Variants in DENND6A observed in about 807,000 individuals in gnomAD.
DENND6A encodes the protein protein DENND6A.
DENND6A carries 43 observed loss-of-function variants against 95.5 expected under a neutral mutation model. That is an observed-to-expected ratio of 0.45 (90% CI 0.35 to 0.58). The LOEUF is 0.58. Among genes scored for constraint, DENND6A ranks in the 20% least tolerant of loss-of-function variants. The pLI is 0.00. For missense variants in DENND6A, 574 were observed against 736.0 expected (o/e 0.78, Z 2.55); for synonymous variants, 257 against 260.4 (o/e 0.99, Z 0.13).
rs1433632436 is a variant in DENND6A, at chr3:57,634,604, T to C, written c.1217A>G (p.Lys406Arg). 3 of 1,474,576 alleles carry C rather than the reference T, an allele frequency of 2.0e-6. No individual in the cohort carries two copies. The highest frequency in any genetic ancestry group is 2.7e-6 in the Non-Finnish European group (3 of 1,098,602). 91.3% of individuals were successfully genotyped at this position (1,474,576 alleles called of 1,614,324 possible). A position where few individuals can be genotyped will look rare whatever the true frequency, so the allele number is the denominator to read the frequency against. ...CTCTTCATCTCTATTTAAATATGGC[T>C]TATATGAAGTATAAACTCCTAAGAG... ...DSKPGVYTSY[K>R]PYLNRDEEII... is the part of the protein sequence containing the mutation. Residue 406 changes from lysine (K) to arginine (R), a missense_variant, in exon 14 of 20, where the codon AAG (lysine) becomes AGG (arginine). Physicochemically the swap from Lys to Arg is conservative, Grantham distance 26. Transcript: ENST00000311128.
At position 57,657,683 on chromosome 3, in the gene DENND6A, A is replaced by C. The variant is rs2071353773; in HGVS notation, c.815T>G (p.Phe272Cys). 1.3e-6 allele frequency: 2 copies of C among 1,569,768 alleles called. No individual in the cohort carries two copies. Among genetic ancestry groups the C allele is most frequent in the Non-Finnish European group, 1.7e-6 (2 of 1,148,064 alleles). ...AATAAAATTTTTTATTCTTTACCTG[A>C]AAATATCCACCTCATGAACAGTAGG... ...ILPTVHEVDI[F>C]RCFCPVFLHS... The change falls in exon 9 of 20, where the codon TTC (phenylalanine) becomes TGC (cysteine). Residue 272 changes from phenylalanine to cysteine, a missense_variant. Around this residue, in one of 2 missense-constraint regions of DENND6A, gnomAD observed 452 missense variants for 630.9 expected, o/e 0.72. Transcript: ENST00000311128.
At chr3:57,662,185 C>CTTTTTTTTTTTTTTTTTTTTT (rs60063768) in intron 5 of DENND6A, among the ~76,000 whole-genome samples, 1 of 79,134 alleles carries the variant, frequency 1.3e-5, no homozygotes, top group Admixed American at 2.0e-4. Context: ...TTTCTTTTTT[C>CTTTTTTTTTTTTTTTTTTTTT]TTTTTTTTTT....
intron 1 of DENND6A, among the ~76,000 whole-genome samples, chr3:57,688,327 T>C (rs1447502675): frequency 6.6e-6 from 1 of 152,022 alleles, no homozygotes; most frequent in East Asian, 1.9e-4. Context: ...ACAAACTGTT[T>C]ATGAGAATAT....
In DENND6A at chr3:57,625,569, C is replaced by T. The variant is rs2070511111; in HGVS notation, c.*2645G>A. 1.3e-5 allele frequency: 2 copies of T among 152,486 alleles called. No individual in the cohort carries two copies. The highest frequency in any genetic ancestry group is 2.1e-4 in the South Asian group (1 of 4,818). The allele number at this position is 152,486 out of a possible 1,614,324, so 9.4% of individuals were successfully genotyped here. Reference sequence around the variant, plus strand: ...TAGGCATTACATAATACCCTTAAAGCAGTGATTCCTCCTGATGCTGGTAGA... The same window carrying T: ...TAGGCATTACATAATACCCTTAAAGTAGTGATTCCTCCTGATGCTGGTAGA... On this transcript the variant is annotated 3_prime_UTR_variant, in exon 20 of 20. Transcript: ENST00000311128.
rs992999072 is a variant in DENND6A at position 57,693,060 on chromosome 3, G to A, written c.-42C>T. On this transcript the variant is annotated 5_prime_UTR_variant, in exon 1 of 20. Transcript: ENST00000311128. Reference sequence around the variant, plus strand: ...GTTCGCGCCGCCTCCACAGCGGACCGCGCCGCAGAGCGCGCTTGCCTCCGC... The same window carrying A: ...GTTCGCGCCGCCTCCACAGCGGACCACGCCGCAGAGCGCGCTTGCCTCCGC... 3 of 1,339,790 alleles carry A rather than the reference G, an allele frequency of 2.2e-6. No individual in the cohort carries two copies. The highest frequency in any genetic ancestry group is 3.1e-5 in the African/African-American group (2 of 64,746). The allele number at this position is 1,339,790 out of a possible 1,614,324, so 83.0% of individuals were successfully genotyped here.
Position 57,666,108 on chromosome 3 carries a change from G to C in DENND6A, c.432+15C>G, listed in dbSNP as rs1452231496. ...TCCTCTCACATGGACATTTTCCTAT[G>C]ACTACTTTTCCAACCTTTAAGTAAA... On this transcript the variant is annotated intron_variant, in intron 4 of 19. Transcript: ENST00000311128. 6.2e-7 allele frequency: 1 copy of C among 1,601,160 alleles called. No individual in the cohort carries two copies. The highest frequency in any genetic ancestry group is 1.1e-5 in the South Asian group (1 of 90,090).
chr3:57,636,082 GTT>G (rs1447905411), intron 12 of DENND6A, among the ~76,000 whole-genome samples: 17 of 152,256 alleles, frequency 1.1e-4, no homozygotes, highest in African/African-American at 3.6e-4. Context: ...TTAATTGACT[GTT>G]TATGTTATTG....
chr3:57,669,370 C>T (rs1205085490), intron 3 of DENND6A, among the ~76,000 whole-genome samples: 1 of 152,014 alleles, frequency 6.6e-6, no homozygotes, highest in Non-Finnish European at 1.5e-5. Context: ...GTCACAAGAA[C>T]CACACTTCAT....
In DENND6A at chr3:57,627,115, A is replaced by G. The variant is rs1042100393; in HGVS notation, c.*1099T>C. The G allele has an allele frequency of 6.6e-6, 1 of 152,164 alleles. No individual in the cohort carries two copies. Among genetic ancestry groups the G allele is most frequent in the Non-Finnish European group, 1.5e-5 (1 of 68,026 alleles). The allele number at this position is 152,164 out of a possible 1,614,324, so 9.4% of individuals were successfully genotyped here. Reference sequence around the variant, plus strand: ...AGCAGCCAAGTTCATTAGTTTAAACATTTAATAATATTTAAATTAGTATTT... The same window carrying G: ...AGCAGCCAAGTTCATTAGTTTAAACGTTTAATAATATTTAAATTAGTATTT... On this transcript the variant is annotated 3_prime_UTR_variant, in exon 20 of 20. Coordinates refer to ENST00000311128, the MANE Select transcript of DENND6A (RefSeq NM_152678.3).
At chr3:57,655,288 C>T (rs1275154596) in intron 9 of DENND6A, among the ~76,000 whole-genome samples, 1 of 152,180 alleles carries the variant, frequency 6.6e-6, no homozygotes, top group African/African-American at 2.4e-5. Context: ...CCGCCTCGGC[C>T]TCCCAAAGTG....
intron 1 of DENND6A, among the ~76,000 whole-genome samples, chr3:57,690,373 G>C (rs537621749): frequency 6.6e-6 from 1 of 151,728 alleles, no homozygotes; most frequent in Non-Finnish European, 1.5e-5. Context: ...GGCGTGGTGC[G>C]GGTGCCTGTA....
intron 4 of DENND6A, among the ~76,000 whole-genome samples, chr3:57,664,978 T>C (rs1053889441): frequency 6.6e-6 from 1 of 152,154 alleles, no homozygotes; most frequent in African/African-American, 2.4e-5. Flanking sequence ...AGGATGAATA[T>C]GACTTAAACA....
At chr3:57,635,873 C>T (rs943891202) in intron 12 of DENND6A, among the ~76,000 whole-genome samples, 28 of 152,106 alleles carry the variant, frequency 1.8e-4, no homozygotes, top group African/African-American at 6.5e-4. Flanking sequence ...TTAGCAAGAC[C>T]ATTCCCTCCT....
rs139912483 is a variant in DENND6A, at chr3:57,679,180, A to C, written c.238-6742T>G. On this transcript the variant is annotated intron_variant, in intron 1 of 19. Coordinates refer to ENST00000311128, the MANE Select transcript of DENND6A (RefSeq NM_152678.3). ...TATAGTAGCCATAGCAGACTAATACAGATGGTTTGTGGGAAGACAAGGCAA... is the reference window on the plus strand; with the variant it reads ...TATAGTAGCCATAGCAGACTAATACCGATGGTTTGTGGGAAGACAAGGCAA... Among the ~76,000 whole-genome samples the C allele has an allele frequency of 5.9e-4, 90 of 152,378 alleles. 1 individual carries two copies. In the East Asian group the frequency reaches 0.016, roughly 28 times the overall value.
chr3:57,639,715 T>C (rs1028879742), intron 12 of DENND6A, among the ~76,000 whole-genome samples: 4 of 152,136 alleles, frequency 2.6e-5, no homozygotes, highest in Non-Finnish European at 5.9e-5. Flanking sequence ...AATTTGAGGC[T>C]TAAAGATGCT....
In DENND6A at chr3:57,686,016, G is replaced by C. The variant is rs527805857; in HGVS notation, c.237+6766C>G. 2.6e-5 allele frequency among the ~76,000 whole-genome samples: 4 copies of C among 152,278 alleles called. No individual in the cohort carries two copies. The East Asian group carries it at 7.7e-4, about 29-fold the overall frequency. On this transcript the variant is annotated intron_variant, in intron 1 of 19. Transcript: ENST00000311128. Reference sequence around the variant, plus strand: ...CTACACATAATGATCCTCTGGAACTGATTCTGATTAAGCAGATGGGTGAGC... The same window carrying C: ...CTACACATAATGATCCTCTGGAACTCATTCTGATTAAGCAGATGGGTGAGC...
At chr3:57,674,066 A>G (rs1575858619) in intron 1 of DENND6A, among the ~76,000 whole-genome samples, 4 of 151,498 alleles carry the variant, frequency 2.6e-5, no homozygotes, top group Admixed American at 2.6e-4. Flanking sequence ...CACCGTGCCC[A>G]GTCAAGAATA....
chr3:57,684,337 C>T (rs916672142), intron 1 of DENND6A, among the ~76,000 whole-genome samples: 1 of 151,708 alleles, frequency 6.6e-6, no homozygotes, highest in Non-Finnish European at 1.5e-5. Flanking sequence ...GTGGCACGTG[C>T]CTGTAATCCC....
At chr3:57,655,983 A>G (rs1221108500) in intron 9 of DENND6A, among the ~76,000 whole-genome samples, 1 of 152,238 alleles carries the variant, frequency 6.6e-6, no homozygotes, top group Non-Finnish European at 1.5e-5. Context: ...CATTCTTCTT[A>G]GTATATTTTG....
Sources: gnomAD v4.1 joint callset for allele counts (sites outside exome capture counted in the v4.1 genomes callset) on GRCh38, gnomAD v4.1.1 for gene constraint, gnomAD v4.1.1 regional missense constraint, MANE v1.5 for transcripts, NCBI Gene and HGNC (gene_info 2026-07-23, HGNC 2026-07-21) for gene names.